PGGT1B: variants seen among roughly 807,000 people sequenced by gnomAD.
PGGT1B encodes the protein protein geranylgeranyltransferase type I subunit beta.
PGGT1B carries 30 observed loss-of-function variants against 46.1 expected under a neutral mutation model. The observed-to-expected ratio is 0.65, with a 90% confidence interval of 0.49 to 0.88. The LOEUF is 0.88. Among genes scored for constraint, PGGT1B ranks in the 40% least tolerant of loss-of-function variants. The pLI, the probability that PGGT1B is intolerant of heterozygous loss-of-function variation, is 0.00. For synonymous variants in PGGT1B, 170 were observed against 160.0 expected (o/e 1.06, Z -0.47); for missense variants, 376 against 455.9 (o/e 0.82, Z 1.60).
At chr5:115,254,156 T>A (rs1478578077) in intron 1 of PGGT1B, among the ~76,000 whole-genome samples, 1 of 152,090 alleles carries the variant, frequency 6.6e-6, no homozygotes, top group Non-Finnish European at 1.5e-5. Flanking sequence ...TAAGCCTTAA[T>A]GTCCTGAGGT....
intron 2 of PGGT1B, among the ~76,000 whole-genome samples, chr5:115,250,968 T>C (rs1483123711): frequency 6.6e-6 from 1 of 152,192 alleles, no homozygotes. Context: ...TGTATTATTT[T>C]CCATGGTGTG....
intron 1 of PGGT1B, among the ~76,000 whole-genome samples, chr5:115,256,909 T>C (rs994166163): frequency 1.3e-5 from 2 of 152,216 alleles, no homozygotes; most frequent in Non-Finnish European, 2.9e-5. Flanking sequence ...TGAAGTTATT[T>C]TTACTTTTTT....
At position 115,210,657 on chromosome 5, in the gene PGGT1B, C is replaced by T. The variant is rs1050345593; in HGVS notation, c.*1745G>A. The T allele has an allele frequency of 6.6e-6, 1 of 151,924 alleles. No homozygotes were observed. The highest frequency in any genetic ancestry group is 2.4e-5 in the African/African-American group (1 of 41,388). The allele number at this position is 151,924 out of a possible 1,614,324, so 9.4% of individuals were successfully genotyped here. A position where few individuals can be genotyped will look rare whatever the true frequency, so the allele number is the denominator to read the frequency against. ...GTTACTACCTTTATTGCCTTCTAAC[C>T]TTTCTTGGTGATACAGAAAAAACAA... On this transcript the variant is annotated 3_prime_UTR_variant, in exon 9 of 9. Transcript: ENST00000419445.
At chr5:115,247,125 T>G (rs1747887220) in intron 2 of PGGT1B, among the ~76,000 whole-genome samples, 1 of 152,226 alleles carries the variant, frequency 6.6e-6, no homozygotes, top group Non-Finnish European at 1.5e-5. Context: ...TATGTCACTT[T>G]AAAACTTAGT....
intron 6 of PGGT1B, among the ~76,000 whole-genome samples, chr5:115,227,033 G>A (rs187389441): frequency 3.7e-4 from 57 of 152,224 alleles, no homozygotes; most frequent in Admixed American, 1.5e-3. Flanking sequence ...AATGTTTGGA[G>A]AGTATGTTTT....
chr5:115,255,829 T>C (rs1024704395), intron 1 of PGGT1B, among the ~76,000 whole-genome samples: 3 of 152,170 alleles, frequency 2.0e-5, no homozygotes, highest in African/African-American at 2.4e-5. Context: ...ATTTCAACAC[T>C]AGACAATCAA....
chr5:115,219,901 T>A (rs1756534881), intron 7 of PGGT1B, among the ~76,000 whole-genome samples: 1 of 151,816 alleles, frequency 6.6e-6, no homozygotes. Flanking sequence ...TCCATTAGGA[T>A]GGCTATTATA....
At chr5:115,235,658 C>T (rs934209170) in intron 5 of PGGT1B, among the ~76,000 whole-genome samples, 12 of 152,192 alleles carry the variant, frequency 7.9e-5, no homozygotes, top group Admixed American at 3.9e-4. Context: ...CTCTTTTCCT[C>T]TTAAAACTCC....
At chr5:115,260,995 A>G (rs72813842) in intron 1 of PGGT1B, among the ~76,000 whole-genome samples, 6,787 of 152,312 alleles carry the variant, frequency 0.045, 176 homozygotes, top group African/African-American at 0.06. Flanking sequence ...TCAACTGTTT[A>G]ACAATCACAA....
rs1268869936 is a variant in PGGT1B at position 115,206,702 on chromosome 5, T to A, written c.*5700A>T. 6.6e-6 allele frequency: 1 copy of A among 152,050 alleles called. No homozygotes were observed. The highest frequency in any genetic ancestry group is 1.5e-5 in the Non-Finnish European group (1 of 67,952). 9.4% of individuals were successfully genotyped at this position (152,050 alleles called of 1,614,324 possible). A position where few individuals can be genotyped will look rare whatever the true frequency, so the allele number is the denominator to read the frequency against. ...CAATTACAAAAATGTGGCTGTGAGA[T>A]CCTTGAAAATGTATCATTGCCTATT... is the stretch of plus-strand genomic sequence containing the variant. On this transcript the variant is annotated 3_prime_UTR_variant, in exon 9 of 9. Coordinates refer to ENST00000419445, the MANE Select transcript of PGGT1B (RefSeq NM_005023.4).
chr5:115,231,338 G>A (rs1267674533), intron 5 of PGGT1B, among the ~76,000 whole-genome samples: 1 of 151,918 alleles, frequency 6.6e-6, no homozygotes, highest in Admixed American at 6.6e-5. Flanking sequence ...ACCATTGCAA[G>A]TATACGTGAG....
chr5:115,240,787 T>C (rs1212076874), intron 3 of PGGT1B, among the ~76,000 whole-genome samples: 1 of 152,202 alleles, frequency 6.6e-6, no homozygotes, highest in Non-Finnish European at 1.5e-5. Context: ...AACCATTACA[T>C]AAGCAGGCTG....
In PGGT1B at chr5:115,226,092, T is replaced by TGGGGGC. The variant is rs1756773140; in HGVS notation, c.659-4090_659-4085dup. 3.1e-5 allele frequency among the ~76,000 whole-genome samples: 3 copies of TGGGGGC among 95,370 alleles called. No homozygotes were observed. In the Admixed American group the frequency reaches 3.4e-4, roughly 11 times the overall value. 62.6% of individuals were successfully genotyped at this position (95,370 alleles called of 152,430 possible). On this transcript the variant is annotated intron_variant, in intron 6 of 8. Transcript: ENST00000419445. ...AATCCTGAGTTGGCGGGGGTGGGGG[T>TGGGGGC]GGGGGCAGCGAGAATAGTTTTATCT... is the stretch of plus-strand genomic sequence containing the variant.
At chr5:115,231,975 T>C (rs1561476596) in intron 5 of PGGT1B, among the ~76,000 whole-genome samples, 1 of 152,060 alleles carries the variant, frequency 6.6e-6, no homozygotes, top group South Asian at 2.1e-4. Context: ...CTGTTAGGAA[T>C]TGGTCATTGC....
chr5:115,224,756 C>T (rs1205807145), intron 6 of PGGT1B, among the ~76,000 whole-genome samples: 1 of 150,962 alleles, frequency 6.6e-6, no homozygotes, highest in African/African-American at 2.4e-5. Context: ...CACCTGTGGT[C>T]CTAGCAACTC....
At chr5:115,244,420 G>A (rs1439023127) in intron 2 of PGGT1B, among the ~76,000 whole-genome samples, 22 of 136,410 alleles carry the variant, frequency 1.6e-4, no homozygotes, top group African/African-American at 2.5e-4. Flanking sequence ...AGCTAAGATC[G>A]GGCCACTGCA....
intron 8 of PGGT1B, 55 bp downstream of exon 8, chr5:115,216,810 T>C (rs937926089): frequency 1.2e-6 from 1 of 860,362 alleles, no homozygotes; most frequent in Non-Finnish European, 2.0e-6. Context: ...ATAAAGATGC[T>C]TGAAGATCTA....
intron 2 of PGGT1B, among the ~76,000 whole-genome samples, chr5:115,251,067 T>G (rs1271266278): frequency 6.6e-6 from 1 of 152,170 alleles, no homozygotes; most frequent in Non-Finnish European, 1.5e-5. Flanking sequence ...AATACTGTTA[T>G]AAACATGCTA....
chr5:115,211,641 A>G lies in PGGT1B; in HGVS notation c.*761T>C. The G allele has an allele frequency of 6.6e-6, 1 of 151,332 alleles. No homozygotes were observed. Among genetic ancestry groups the G allele is most frequent in the Middle Eastern group, 3.5e-3 (1 of 284 alleles). 9.4% of individuals were successfully genotyped at this position (151,332 alleles called of 1,614,324 possible). A position where few individuals can be genotyped will look rare whatever the true frequency, so the allele number is the denominator to read the frequency against. Reference sequence around the variant, plus strand: ...AAAAAAGGCAACTAATGATTTGAGAATAAAATCAAACATAACTGGTATTCA... The same window carrying G: ...AAAAAAGGCAACTAATGATTTGAGAGTAAAATCAAACATAACTGGTATTCA... On this transcript the variant is annotated 3_prime_UTR_variant, in exon 9 of 9. Transcript: ENST00000419445.
Sources: gnomAD v4.1 joint callset for allele counts (sites outside exome capture counted in the v4.1 genomes callset) on GRCh38, gnomAD v4.1.1 for gene constraint, MANE v1.5 for transcripts, NCBI Gene and HGNC (gene_info 2026-07-23, HGNC 2026-07-21) for gene names.